The following TYW1 variants were observed in gnomAD, a reference collection of about 807,000 sequenced individuals.
TYW1 encodes tRNA-yW synthesizing protein 1 homolog.
TYW1 carries 46 observed loss-of-function variants against 96.2 expected under a neutral mutation model. That is an observed-to-expected ratio of 0.48 (90% CI 0.38 to 0.61). The LOEUF (loss-of-function observed/expected upper bound fraction) is 0.61. TYW1 is among the 20% of genes least tolerant of loss of function. The pLI, the probability that TYW1 is intolerant of heterozygous loss-of-function variation, is 0.00. For missense variants in TYW1, 684 were observed against 909.6 expected (o/e 0.75, Z 3.19); for synonymous variants, 274 against 323.0 (o/e 0.85, Z 1.63).
At chr7:67,071,892 G>T (rs1291274763) in intron 10 of TYW1, among the ~76,000 whole-genome samples, 1 of 151,920 alleles carries the variant, frequency 6.6e-6, no homozygotes, top group African/African-American at 2.4e-5. Context: ...AAAGTGCCGG[G>T]ATTACAGACT....
At chr7:67,051,684 C>T (rs1253772057) in intron 8 of TYW1, among the ~76,000 whole-genome samples, 4 of 149,762 alleles carry the variant, frequency 2.7e-5, no homozygotes, top group Non-Finnish European at 5.9e-5. Flanking sequence ...ATCTGTGTTC[C>T]GTCTGGTATC....
chr7:67,072,641 G>A (rs996473126), intron 10 of TYW1, among the ~76,000 whole-genome samples: 20 of 152,122 alleles, frequency 1.3e-4, no homozygotes, highest in Non-Finnish European at 1.9e-4. Flanking sequence ...AACATTTATC[G>A]TCATATGGAT....
At chr7:67,063,638 C>T (rs927067815) in intron 9 of TYW1, among the ~76,000 whole-genome samples, 1 of 151,690 alleles carries the variant, frequency 6.6e-6, no homozygotes, top group African/African-American at 2.4e-5. Flanking sequence ...GAGTCTCGCT[C>T]TGTCACCCAG....
At chr7:67,051,153 A>C (rs992195586) in intron 8 of TYW1, among the ~76,000 whole-genome samples, 1 of 152,170 alleles carries the variant, frequency 6.6e-6, no homozygotes, top group Non-Finnish European at 1.5e-5. Flanking sequence ...TACAGGTGTG[A>C]GCCACTGCAC....
At chr7:67,131,470 A>G (rs1798072133) in intron 13 of TYW1, among the ~76,000 whole-genome samples, 1 of 152,190 alleles carries the variant, frequency 6.6e-6, no homozygotes, top group Non-Finnish European at 1.5e-5. Flanking sequence ...TTTCTATCCT[A>G]TCATACTTCT....
At chr7:67,016,215 T>C (rs979573966) in intron 5 of TYW1, among the ~76,000 whole-genome samples, 4 of 130,510 alleles carry the variant, frequency 3.1e-5, no homozygotes, top group Non-Finnish European at 6.6e-5. Flanking sequence ...CTGTCTCTGG[T>C]GGAGTGTGAG....
intron 15 of TYW1, among the ~76,000 whole-genome samples, chr7:67,218,412 G>A (rs1285566481): frequency 6.6e-6 from 1 of 150,556 alleles, no homozygotes; most frequent in African/African-American, 2.4e-5. Context: ...CTAGTGCAGT[G>A]GCATGGTCTC....
At chr7:67,039,883 G>T (rs1374428000) in intron 7 of TYW1, among the ~76,000 whole-genome samples, 2 of 151,642 alleles carry the variant, frequency 1.3e-5, no homozygotes, top group Non-Finnish European at 2.9e-5. Flanking sequence ...GGATGGTCTT[G>T]ATCCATTGAC....
intron 15 of TYW1, among the ~76,000 whole-genome samples, chr7:67,226,154 C>T (rs1801554810): frequency 6.6e-6 from 1 of 152,156 alleles, no homozygotes. Flanking sequence ...CCAAGCTGTC[C>T]TTCTTCATTC....
At chr7:67,058,302 GC>G (rs1267974335) in intron 9 of TYW1, among the ~76,000 whole-genome samples, 4 of 152,102 alleles carry the variant, frequency 2.6e-5, no homozygotes, top group Non-Finnish European at 5.9e-5. Flanking sequence ...TTTTTTCACT[GC>G]CATAGCAGGT....
At chr7:67,168,621 CCAAATAT>C (rs1460502606) in intron 13 of TYW1, among the ~76,000 whole-genome samples, 3 of 152,152 alleles carry the variant, frequency 2.0e-5, no homozygotes, top group African/African-American at 4.8e-5. Flanking sequence ...TATTCAAATG[CCAAATAT>C]CAAATATCAA....
chr7:67,020,049 A>C (rs1262725031), intron 6 of TYW1, among the ~76,000 whole-genome samples: 3 of 152,296 alleles, frequency 2.0e-5, no homozygotes, highest in Non-Finnish European at 4.4e-5. Flanking sequence ...GGAATGAAAC[A>C]TCAATTTCAA....
chr7:67,214,552 G>A (rs1427576053), intron 15 of TYW1, among the ~76,000 whole-genome samples: 1 of 152,154 alleles, frequency 6.6e-6, no homozygotes, highest in African/African-American at 2.4e-5. Context: ...TAGGAATGGT[G>A]AGAGGGGACA....
intron 11 of TYW1, among the ~76,000 whole-genome samples, chr7:67,092,734 G>A (rs1181933587): frequency 1.4e-5 from 2 of 140,042 alleles, no homozygotes; most frequent in Non-Finnish European, 3.0e-5. Context: ...CAAGGCTGGA[G>A]TGCAGTGGTG....
chr7:67,003,887 T>C (rs530232178), intron 3 of TYW1, among the ~76,000 whole-genome samples: 6 of 151,832 alleles, frequency 4.0e-5, no homozygotes, highest in Non-Finnish European at 7.4e-5. Flanking sequence ...TACTAAAAAA[T>C]ACAAAAATTA....
intron 13 of TYW1, among the ~76,000 whole-genome samples, chr7:67,150,908 A>C (rs1798774705): frequency 6.6e-6 from 1 of 152,116 alleles, no homozygotes; most frequent in African/African-American, 2.4e-5. Context: ...TAATCCATTT[A>C]ATGTATCCTA....
At chr7:67,161,263 C>T (rs760901988) in intron 13 of TYW1, among the ~76,000 whole-genome samples, 1 of 152,150 alleles carries the variant, frequency 6.6e-6, no homozygotes, top group Non-Finnish European at 1.5e-5. Flanking sequence ...TTTGTTTTCA[C>T]ACACATACAA....
At chr7:67,224,802 A>G (rs1039113371) in intron 15 of TYW1, among the ~76,000 whole-genome samples, 16 of 152,204 alleles carry the variant, frequency 1.1e-4, no homozygotes, top group African/African-American at 3.1e-4. Context: ...GGTGAGCACT[A>G]TACATGCCAT....
chr7:67,085,184 C>T (rs545702046), intron 11 of TYW1, among the ~76,000 whole-genome samples: 5 of 152,260 alleles, frequency 3.3e-5, no homozygotes, highest in Admixed American at 6.5e-5. Flanking sequence ...GCCACTCATT[C>T]GTAATATTAT....
Sources: gnomAD v4.1 joint callset for allele counts (sites outside exome capture counted in the v4.1 genomes callset) on GRCh38, gnomAD v4.1.1 for gene constraint, MANE v1.5 for transcripts, NCBI Gene and HGNC (gene_info 2026-07-23, HGNC 2026-07-21) for gene names.